Variants in SH3GL2 observed in about 807,000 individuals in gnomAD.
The protein encoded by SH3GL2 is SH3 domain containing GRB2 like 2, endophilin A1.
SH3GL2 carries 24 observed loss-of-function variants against 46.0 expected under a neutral mutation model. That is an observed-to-expected ratio of 0.52 (90% CI 0.38 to 0.73). The LOEUF (loss-of-function observed/expected upper bound fraction) is 0.73, where lower values mean the gene tolerates loss of function less well. Ranked by LOEUF, SH3GL2 falls within the 30% of genes least tolerant of loss-of-function variation. SH3GL2 has a pLI of 0.00. For missense variants in SH3GL2, 413 were observed against 424.2 expected, an observed-to-expected ratio of 0.97 and a Z score of 0.23; for synonymous variants, 196 against 147.1, an observed-to-expected ratio of 1.33 and a Z score of -2.40.
At chr9:17,686,474 A>G (rs1331925597) in intron 1 of SH3GL2, among the ~76,000 whole-genome samples, 1 of 145,090 alleles carries the variant, frequency 6.9e-6, no homozygotes, top group African/African-American at 2.5e-5. Context: ...ATGCTGCTAT[A>G]AAGACACATG....
At chr9:17,591,734 A>C (rs969408046) in intron 1 of SH3GL2, among the ~76,000 whole-genome samples, 5 of 152,138 alleles carry the variant, frequency 3.3e-5, no homozygotes, top group African/African-American at 1.2e-4. Flanking sequence ...CCCAAGATGG[A>C]GTTACTGATA....
chr9:17,703,236 GA>G (rs1015257230), intron 1 of SH3GL2, among the ~76,000 whole-genome samples: 3 of 151,192 alleles, frequency 2.0e-5, no homozygotes, highest in African/African-American at 4.9e-5. Flanking sequence ...ATGGCTCGGG[GA>G]AAAAAAACAA....
intron 1 of SH3GL2, among the ~76,000 whole-genome samples, chr9:17,626,620 T>C (rs1201365932): frequency 6.6e-6 from 1 of 152,182 alleles, no homozygotes; most frequent in South Asian, 2.1e-4. Flanking sequence ...TCGAAGGCCA[T>C]TGAATAAGGA....
chr9:17,687,447 T>C (rs191665900), intron 1 of SH3GL2, among the ~76,000 whole-genome samples: 1 of 112,712 alleles, frequency 8.9e-6, no homozygotes, highest in East Asian at 2.9e-4. Context: ...CTGAGACTGT[T>C]TTTGACTCTG....
intron 1 of SH3GL2, among the ~76,000 whole-genome samples, chr9:17,580,305 C>T (rs190400048): frequency 6.6e-6 from 1 of 152,224 alleles, no homozygotes; most frequent in Admixed American, 6.5e-5. Context: ...CCTTAATTAA[C>T]GAGCTTTCTC....
At chr9:17,593,822 G>A (rs1030482401) in intron 1 of SH3GL2, among the ~76,000 whole-genome samples, 1 of 152,142 alleles carries the variant, frequency 6.6e-6, no homozygotes, top group African/African-American at 2.4e-5. Context: ...TCCGTCATCA[G>A]GCTGTGTGGC....
intron 1 of SH3GL2, among the ~76,000 whole-genome samples, chr9:17,685,304 A>C (rs796193419): frequency 3.3e-5 from 5 of 152,192 alleles, no homozygotes; most frequent in African/African-American, 1.2e-4. Context: ...GGCAGTTTCT[A>C]CTTCTTCAGG....
chr9:17,787,005 A>G (rs1290537116), intron 4 of SH3GL2, among the ~76,000 whole-genome samples: 2 of 151,854 alleles, frequency 1.3e-5, no homozygotes, highest in African/African-American at 4.8e-5. Flanking sequence ...AACATCTTCT[A>G]TTTTCACCCC....
chr9:17,605,187 C>T (rs1268845061), intron 1 of SH3GL2, among the ~76,000 whole-genome samples: 1 of 151,974 alleles, frequency 6.6e-6, no homozygotes, highest in Non-Finnish European at 1.5e-5. Context: ...CTGTGTTGCC[C>T]AGGCTTGTCT....
Position 17,668,721 on chromosome 9 carries a change from A to G in SH3GL2, c.46-78345A>G, listed in dbSNP as rs535833406. Among the ~76,000 whole-genome samples, 389 of 152,276 alleles carry G rather than the reference A, an allele frequency of 2.6e-3. 4 individuals are homozygous for G. Among genetic ancestry groups the G allele is most frequent in the Admixed American group, 4.2e-3 (64 of 15,302 alleles). ...GCCCAGGCTGGAGTGCAGTGGCACA[A>G]TCGTAGCTCACTGCAACCTCAAAGT... is the stretch of plus-strand genomic sequence containing the variant. On this transcript the variant is annotated intron_variant, in intron 1 of 8. Transcript: ENST00000380607.
intron 1 of SH3GL2, among the ~76,000 whole-genome samples, chr9:17,730,424 T>G (rs777575170): frequency 6.6e-6 from 1 of 152,152 alleles, no homozygotes; most frequent in African/African-American, 2.4e-5. Flanking sequence ...TTTGAATTCG[T>G]CTCTTCCTGT....
intron 1 of SH3GL2, among the ~76,000 whole-genome samples, chr9:17,682,492 G>T (rs749270637): frequency 8.6e-5 from 13 of 151,968 alleles, no homozygotes; most frequent in Non-Finnish European, 1.5e-4. Context: ...TCTGGTAAGT[G>T]CGAGTTGAAC....
At chr9:17,726,692 G>A (rs1202312744) in intron 1 of SH3GL2, among the ~76,000 whole-genome samples, 2 of 152,178 alleles carry the variant, frequency 1.3e-5, no homozygotes, top group Non-Finnish European at 2.9e-5. Context: ...AGGAAGCAGA[G>A]AGGATCAATT....
intron 1 of SH3GL2, among the ~76,000 whole-genome samples, chr9:17,739,033 G>A (rs1199258150): frequency 6.6e-6 from 1 of 152,138 alleles, no homozygotes; most frequent in Non-Finnish European, 1.5e-5. Flanking sequence ...CATGAAATTT[G>A]TAGTTGTAAC....
intron 1 of SH3GL2, among the ~76,000 whole-genome samples, chr9:17,665,705 A>G (rs1007976700): frequency 1.3e-5 from 2 of 151,768 alleles, no homozygotes; most frequent in African/African-American, 4.8e-5. Context: ...CATCCTTGGA[A>G]TCAGCCAGTA....
chr9:17,693,664 C>G (rs1286200082), intron 1 of SH3GL2, among the ~76,000 whole-genome samples: 1 of 152,272 alleles, frequency 6.6e-6, no homozygotes, highest in Admixed American at 6.5e-5. Context: ...AAATTGCTAC[C>G]TGAAAATTTG....
At chr9:17,724,707 AGTT>A (rs1461640719) in intron 1 of SH3GL2, among the ~76,000 whole-genome samples, 1 of 152,076 alleles carries the variant, frequency 6.6e-6, no homozygotes, top group Non-Finnish European at 1.5e-5. Flanking sequence ...AGTTTCTTGA[AGTT>A]GTTGTTTGCT....
intron 1 of SH3GL2, among the ~76,000 whole-genome samples, chr9:17,640,674 T>G (rs1819658637): frequency 6.6e-6 from 1 of 152,236 alleles, no homozygotes; most frequent in Non-Finnish European, 1.5e-5. Context: ...TTACTGTGTT[T>G]CTCCATAACA....
intron 1 of SH3GL2, among the ~76,000 whole-genome samples, chr9:17,740,662 T>A (rs1822501300): frequency 6.6e-6 from 1 of 152,162 alleles, no homozygotes; most frequent in African/African-American, 2.4e-5. Context: ...GTGCATTAAG[T>A]AATGTTGTTC....
Sources: allele counts gnomAD v4.1 joint callset (sites outside exome capture counted in the v4.1 genomes callset), GRCh38; gene constraint gnomAD v4.1.1; transcripts MANE v1.5; gene names NCBI Gene and HGNC (gene_info 2026-07-23, HGNC 2026-07-21).